Variants in DIAPH3 observed in about 807,000 individuals in gnomAD.
The protein encoded by DIAPH3 is protein diaphanous homolog 3.
In DIAPH3, 117 loss-of-function variants were observed where a neutral mutation model predicts 144.3. The ratio of observed to expected loss-of-function variants is 0.81; its 90% CI spans 0.70 to 0.95. The LOEUF (loss-of-function observed/expected upper bound fraction) is 0.95. Ranked by LOEUF, DIAPH3 falls within the 40% of genes least tolerant of loss-of-function variation. DIAPH3 has a pLI of 0.00. For missense variants in DIAPH3, 1,421 were observed against 1,412.7 expected (o/e 1.01, Z -0.09); for synonymous variants, 519 against 488.9 (o/e 1.06, Z -0.81).
rs765485689 is a variant in DIAPH3, at chr13:59,983,884, T to C, written c.1365A>G (p.Gln455=). ...ACTCATCAATTAATTTGAAGTATTG[T>C]TGCCTAAAACCAAAGAAAAGAGTAA... The part of the protein sequence containing the change: ...LLIRNDYFIR[Q]QYFKLIDECV... The change falls in exon 13 of 28, where the codon CAA becomes CAG. Residue 455 remains glutamine (Q), a synonymous_variant. Transcript: ENST00000400324. 2.5e-6 allele frequency: 4 copies of C among 1,593,230 alleles called. No homozygotes were observed. The highest frequency in any genetic ancestry group is 2.2e-5 in the East Asian group (1 of 44,618).
chr13:59,683,825 C>T (rs1364360568), intron 27 of DIAPH3, among the ~76,000 whole-genome samples: 1 of 152,160 alleles, frequency 6.6e-6, no homozygotes, highest in Non-Finnish European at 1.5e-5. Flanking sequence ...ATGAATTCAT[C>T]ATTCCACCTG....
intron 22 of DIAPH3, among the ~76,000 whole-genome samples, chr13:59,857,367 G>A (rs1046579086): frequency 2.0e-5 from 3 of 152,102 alleles, no homozygotes; most frequent in Admixed American, 6.6e-5. Flanking sequence ...ACCAGGAGAC[G>A]TATTTGAGCA....
intron 4 of DIAPH3, among the ~76,000 whole-genome samples, chr13:60,079,048 G>A (rs990642099): frequency 2.0e-5 from 3 of 151,844 alleles, no homozygotes; most frequent in African/African-American, 4.8e-5. Context: ...TCAGATGCAC[G>A]AGCCAATATG....
At chr13:59,835,679 G>C (rs973585217) in intron 23 of DIAPH3, among the ~76,000 whole-genome samples, 2 of 151,724 alleles carry the variant, frequency 1.3e-5, no homozygotes, top group South Asian at 4.1e-4. Flanking sequence ...ACTAATTCAA[G>C]AGAAGAAAAA....
chr13:59,826,052 G>T (rs1296950951), intron 24 of DIAPH3, among the ~76,000 whole-genome samples: 2 of 152,012 alleles, frequency 1.3e-5, no homozygotes, highest in Non-Finnish European at 2.9e-5. Context: ...GAGTTATCTA[G>T]GACAAACCCA....
chr13:59,701,863 A>G lies in DIAPH3; in HGVS notation c.3320-35017T>C, dbSNP rs1332795748. On this transcript the variant is annotated intron_variant, in intron 27 of 27. Transcript: ENST00000400324. ...CAGATCTGCAAGGTCTTCCCTGGGC[A>G]GCGCTCCAATTTATTGATTCTTTCC... is the stretch of plus-strand genomic sequence containing the variant. Among the ~76,000 whole-genome samples, 3 of 152,206 alleles carry G rather than the reference A, an allele frequency of 2.0e-5. No homozygotes were observed. The East Asian group carries it at 5.8e-4, about 29-fold the overall frequency.
chr13:59,960,552 G>A (rs1439368588), intron 17 of DIAPH3, among the ~76,000 whole-genome samples: 2 of 152,072 alleles, frequency 1.3e-5, no homozygotes, highest in African/African-American at 2.4e-5. Flanking sequence ...ACTCTTATTT[G>A]CCTATCAAAT....
intron 27 of DIAPH3, among the ~76,000 whole-genome samples, chr13:59,746,523 A>T (rs943273989): frequency 2.0e-5 from 3 of 151,690 alleles, no homozygotes; most frequent in Admixed American, 1.3e-4. Context: ...TGCAACCAGC[A>T]CCAGCTGGGT....
At chr13:59,778,184 C>T (rs986361433) in intron 25 of DIAPH3, among the ~76,000 whole-genome samples, 1 of 152,172 alleles carries the variant, frequency 6.6e-6, no homozygotes, top group Non-Finnish European at 1.5e-5. Context: ...CTAGCTCTTA[C>T]CCTTCCTTCA....
intron 27 of DIAPH3, among the ~76,000 whole-genome samples, chr13:59,753,744 T>C (rs1296779758): frequency 6.6e-6 from 1 of 152,146 alleles, no homozygotes; most frequent in East Asian, 1.9e-4. Context: ...AGCAGAATTG[T>C]AAAAGTGCCA....
intron 21 of DIAPH3, among the ~76,000 whole-genome samples, chr13:59,862,752 A>C (rs950193731): frequency 6.6e-6 from 1 of 152,110 alleles, no homozygotes; most frequent in Non-Finnish European, 1.5e-5. Flanking sequence ...AGAAGTTTTT[A>C]GGCATTTTTT....
chr13:60,033,310 T>G (rs1171144951), intron 5 of DIAPH3, among the ~76,000 whole-genome samples: 1 of 152,208 alleles, frequency 6.6e-6, no homozygotes, highest in African/African-American at 2.4e-5. Context: ...TTTTCAGATA[T>G]TTTTACAGCA....
chr13:59,688,198 C>A (rs2033314929), intron 27 of DIAPH3, among the ~76,000 whole-genome samples: 2 of 151,992 alleles, frequency 1.3e-5, no homozygotes, highest in Non-Finnish European at 2.9e-5. Flanking sequence ...CTATTGTTGT[C>A]TTTTTCTCAG....
intron 12 of DIAPH3, among the ~76,000 whole-genome samples, chr13:59,984,574 G>GC (rs1164906044): frequency 8.6e-5 from 13 of 151,424 alleles, no homozygotes. Context: ...TAGATCGCTA[G>GC]CAAGACTAAT....
In DIAPH3 at chr13:59,774,821, C is replaced by A. The variant is rs1486882338; in HGVS notation, c.3166G>T (p.Gly1056Cys). Residue 1056 changes from glycine to cysteine, a missense_variant and splice_region_variant, in exon 26 of 28, where the codon GGT (glycine) becomes TGT (cysteine). Transcript: ENST00000400324. The part of the protein sequence containing the change: ...KKRLLEMKTE[G>C]DETGVMDNLL... ...TTATCCATCACTCCTGTCTCATCAC[C>A]CTCTGTGAAAAGAGATGCAGGGAAT... 2 of 1,613,664 alleles carry A rather than the reference C, an allele frequency of 1.2e-6. No homozygotes were observed. Among genetic ancestry groups the A allele is most frequent in the South Asian group, 2.2e-5 (2 of 91,068 alleles).
chr13:59,988,151 C>T (rs990312220), intron 12 of DIAPH3, among the ~76,000 whole-genome samples: 1 of 151,780 alleles, frequency 6.6e-6, no homozygotes, highest in African/African-American at 2.4e-5. Context: ...TGATCATTAA[C>T]TGTCATAGAG....
rs2039675222 is a variant in DIAPH3 at position 59,797,485 on chromosome 13, T to C, written c.3163+13303A>G. 2.0e-5 allele frequency among the ~76,000 whole-genome samples: 3 copies of C among 152,298 alleles called. No homozygotes were observed. The South Asian group carries it at 6.2e-4, about 32-fold the overall frequency. On this transcript the variant is annotated intron_variant, in intron 25 of 27. Transcript: ENST00000400324. The stretch of plus-strand genomic sequence containing the variant: ...ATTTCTTTTGTCAGAAATTTAATGG[T>C]CACAAAAGCAAATCACACAGGAGCC...
intron 4 of DIAPH3, among the ~76,000 whole-genome samples, chr13:60,055,339 T>C (rs1204654491): frequency 6.6e-6 from 1 of 151,924 alleles, no homozygotes; most frequent in Non-Finnish European, 1.5e-5. Flanking sequence ...TCCAATCTAA[T>C]GGAAAAGCTG....
intron 27 of DIAPH3, among the ~76,000 whole-genome samples, chr13:59,688,394 AAAT>A (rs1204830676): frequency 7.9e-5 from 12 of 152,098 alleles, no homozygotes; most frequent in African/African-American, 2.9e-4. Flanking sequence ...ACTGACAAAA[AAAT>A]AATAACTGAA....
Sources: allele counts gnomAD v4.1 joint callset (sites outside exome capture counted in the v4.1 genomes callset), GRCh38; gene constraint gnomAD v4.1.1; transcripts MANE v1.5; gene names NCBI Gene and HGNC (gene_info 2026-07-23, HGNC 2026-07-21).